MCTP1: variants seen among roughly 807,000 people sequenced by gnomAD.
MCTP1 encodes the protein multiple C2 and transmembrane domain-containing protein 1.
Under a neutral mutation model 120.6 loss-of-function variants are expected in MCTP1, and 69 were observed. That is an observed-to-expected ratio of 0.57 (90% confidence interval 0.47 to 0.70). The LOEUF is 0.70. Among genes scored for constraint, MCTP1 ranks in the 30% least tolerant of loss-of-function variants. MCTP1 has a pLI of 0.00. For synonymous variants in MCTP1, 529 were observed against 493.1 expected (o/e 1.07, Z -0.96); for missense variants, 1,203 against 1,248.8 (o/e 0.96, Z 0.55).
chr5:95,123,628 T>C (rs1758397888), intron 1 of MCTP1, among the ~76,000 whole-genome samples: 2 of 148,220 alleles, frequency 1.3e-5, no homozygotes, highest in South Asian at 4.3e-4. Flanking sequence ...TCTAAGAAAG[T>C]ATTTGGATTC....
chr5:95,284,135 A>G lies in MCTP1; in HGVS notation c.441T>C (p.Pro147=), dbSNP rs746418131. 1.9e-6 allele frequency: 3 copies of G among 1,554,052 alleles called. No homozygotes were observed. The highest frequency in any genetic ancestry group is 2.4e-5 in the East Asian group (1 of 41,370). The change falls in exon 1 of 23, where the codon CCT becomes CCC. Residue 147 remains proline (P), a synonymous_variant. Transcript: ENST00000515393. This position sits in a 1 kb window ranked among gnomAD's most constrained non-coding sequence, Gnocchi z 5.2. ...CTGAGTCGGGGGAGCGTCCGCCAGG[A>G]GGCGTCCCTCCCGCTGCTCCCGAGG... The part of the protein sequence containing the change: ...AAASGAAGGT[P]PGGRSPDSAP...
chr5:94,836,827 A>G (rs1789896435), intron 17 of MCTP1, among the ~76,000 whole-genome samples: 1 of 152,238 alleles, frequency 6.6e-6, no homozygotes, highest in South Asian at 2.1e-4. Context: ...TTTAAAAATC[A>G]TGGACTTAAA....
intron 1 of MCTP1, among the ~76,000 whole-genome samples, chr5:95,281,250 A>T (rs1325712018): frequency 6.6e-6 from 1 of 152,196 alleles, no homozygotes; most frequent in Non-Finnish European, 1.5e-5. Context: ...GTAAGGAAAG[A>T]TCTCTGAGAT....
At chr5:95,036,544 G>A (rs1229023877) in intron 1 of MCTP1, among the ~76,000 whole-genome samples, 1 of 151,914 alleles carries the variant, frequency 6.6e-6, no homozygotes, top group African/African-American at 2.4e-5. Context: ...TTTTCCCCGC[G>A]GATTACAAAT....
intron 2 of MCTP1, among the ~76,000 whole-genome samples, chr5:95,012,813 C>A (rs554874317): frequency 5.6e-4 from 85 of 152,206 alleles, no homozygotes; most frequent in African/African-American, 1.9e-3. Flanking sequence ...ACCTGAGACA[C>A]AACATTACCG....
chr5:95,175,596 A>G (rs1211104056), intron 1 of MCTP1, among the ~76,000 whole-genome samples: 1 of 152,218 alleles, frequency 6.6e-6, no homozygotes, highest in East Asian at 1.9e-4. Flanking sequence ...AGAAAAATCC[A>G]CTTGCAAATC....
At chr5:95,195,954 G>T (rs1750343198) in intron 1 of MCTP1, among the ~76,000 whole-genome samples, 1 of 152,132 alleles carries the variant, frequency 6.6e-6, no homozygotes, top group Admixed American at 6.6e-5. Flanking sequence ...CTATTAGATT[G>T]CATTCTGAAG....
At chr5:95,149,587 G>T (rs1366578313) in intron 1 of MCTP1, among the ~76,000 whole-genome samples, 1 of 152,118 alleles carries the variant, frequency 6.6e-6, no homozygotes, top group Non-Finnish European at 1.5e-5. Flanking sequence ...CCCGCCCAGA[G>T]TTCAAACAAG....
At chr5:94,729,530 C>A (rs1049896866) in intron 19 of MCTP1, among the ~76,000 whole-genome samples, 2 of 152,140 alleles carry the variant, frequency 1.3e-5, no homozygotes, top group African/African-American at 4.8e-5. Flanking sequence ...TTCCCTTTTC[C>A]CAGTCTCCTT....
At chr5:95,168,827 A>G (rs1032340766) in intron 1 of MCTP1, among the ~76,000 whole-genome samples, 55 of 152,312 alleles carry the variant, frequency 3.6e-4, no homozygotes, top group African/African-American at 1.3e-3. Context: ...TAAATATACA[A>G]TCATGTCATC....
Position 94,953,373 on chromosome 5 carries a change from A to T in MCTP1, c.839-12T>A, listed in dbSNP as rs754290485. On this transcript the variant is annotated splice_polypyrimidine_tract_variant and intron_variant, in intron 2 of 22. Transcript: ENST00000515393. The stretch of plus-strand genomic sequence containing the variant: ...TGGATCACTCGTCCCTGTTAAATAG[A>T]TAGATTGATCCATGTTAATCATGAC... The T allele has an allele frequency of 6.3e-7, 1 of 1,579,900 alleles. No individual in the cohort carries two copies. The highest frequency in any genetic ancestry group is 2.3e-5 in the East Asian group (1 of 43,704).
intron 1 of MCTP1, among the ~76,000 whole-genome samples, chr5:95,047,810 AC>A (rs751651805): frequency 6.6e-6 from 1 of 151,946 alleles, no homozygotes; most frequent in Non-Finnish European, 1.5e-5. Flanking sequence ...CCATCTACAC[AC>A]CCACCCACTC....
chr5:95,246,206 C>T (rs1037414455), intron 1 of MCTP1, among the ~76,000 whole-genome samples: 1 of 152,122 alleles, frequency 6.6e-6, no homozygotes, highest in Non-Finnish European at 1.5e-5. Context: ...ATAACTAGTA[C>T]CAGCCACTGC....
intron 1 of MCTP1, among the ~76,000 whole-genome samples, chr5:95,112,038 C>T (rs1260456296): frequency 6.6e-6 from 1 of 152,110 alleles, no homozygotes; most frequent in African/African-American, 2.4e-5. Context: ...AGAAAGAATA[C>T]AACAAATATT....
intron 2 of MCTP1, among the ~76,000 whole-genome samples, chr5:94,962,430 G>GAT (rs751024237): frequency 1.4e-3 from 214 of 149,202 alleles, no homozygotes; most frequent in Admixed American, 3.0e-3. Context: ...TAAAGAAATT[G>GAT]ATATATATAT....
chr5:95,195,655 T>C (rs1750302808), intron 1 of MCTP1, among the ~76,000 whole-genome samples: 1 of 152,040 alleles, frequency 6.6e-6, no homozygotes, highest in South Asian at 2.1e-4. Flanking sequence ...AAATGCCGAG[T>C]TGATAGAGCG....
intron 17 of MCTP1, chr5:94,826,129 C>T (rs1159490886): frequency 1.2e-5 from 4 of 344,182 alleles, no homozygotes; most frequent in African/African-American, 2.2e-5. Context: ...TCTCATGAAT[C>T]AGATCCTCCA....
At chr5:95,190,587 G>A (rs1250557162) in intron 1 of MCTP1, among the ~76,000 whole-genome samples, 1 of 151,848 alleles carries the variant, frequency 6.6e-6, no homozygotes, top group Non-Finnish European at 1.5e-5. Context: ...GGAAAGAGTT[G>A]AGCTTTTGAA....
intron 1 of MCTP1, among the ~76,000 whole-genome samples, chr5:95,131,175 T>C (rs1257605010): frequency 1.3e-5 from 2 of 152,148 alleles, no homozygotes; most frequent in Non-Finnish European, 2.9e-5. Context: ...GATCTCAATG[T>C]TGTCAGAGTT....
Sources: allele counts gnomAD v4.1 joint callset (sites outside exome capture counted in the v4.1 genomes callset), GRCh38; gene constraint gnomAD v4.1.1; non-coding constraint Gnocchi (gnomAD v3.1); transcripts MANE v1.5; gene names NCBI Gene and HGNC (gene_info 2026-07-23, HGNC 2026-07-21).